The following ANKS1B variants were observed in gnomAD, a reference collection of about 807,000 sequenced individuals.
ANKS1B encodes the protein ankyrin repeat and sterile alpha motif domain containing 1B, also known as ankyrin repeat and sterile alpha motif domain-containing protein 1B.
In ANKS1B, 36 loss-of-function variants were observed where a neutral mutation model predicts 148.3. The observed-to-expected ratio is 0.24, with a 90% CI of 0.19 to 0.32. The LOEUF is 0.32. ANKS1B is among the 10% of genes least tolerant of loss of function. The pLI is 1.00. For synonymous variants in ANKS1B, 542 were observed against 560.8 expected (o/e 0.97, Z 0.47); for missense variants, 1,157 against 1,542.6 (o/e 0.75, Z 4.19).
At chr12:99,372,281 C>T (rs1210341538) in intron 12 of ANKS1B, among the ~76,000 whole-genome samples, 2 of 151,270 alleles carry the variant, frequency 1.3e-5, no homozygotes, top group Non-Finnish European at 2.9e-5. Flanking sequence ...TGCTGTGAAC[C>T]TAAAAAGAAA....
chr12:99,443,460 C>A (rs943658114), intron 11 of ANKS1B, among the ~76,000 whole-genome samples: 8 of 151,896 alleles, frequency 5.3e-5, no homozygotes, highest in African/African-American at 1.5e-4. Flanking sequence ...ATGTAACAGG[C>A]ACAATTCATT....
chr12:99,960,700 C>T (rs761270423), intron 1 of ANKS1B, among the ~76,000 whole-genome samples: 26 of 152,056 alleles, frequency 1.7e-4, no homozygotes, highest in African/African-American at 5.8e-4. Context: ...TAAGGGTTTG[C>T]GAAAATTTTC....
In ANKS1B at chr12:98,801,015, C is replaced by T. The variant is rs377414136; in HGVS notation, c.3252G>A (p.Ser1084=). 5.4e-5 allele frequency: 87 copies of T among 1,611,860 alleles called. No individual in the cohort carries two copies. Among genetic ancestry groups the T allele is most frequent in the Admixed American group, 3.2e-4 (19 of 59,846 alleles). The change falls in exon 21 of 27, where the codon TCG becomes TCA. Residue 1084 remains serine, a synonymous_variant. Transcript: ENST00000683438. The surrounding 1 kb of genome is among the most constrained non-coding windows in gnomAD (Gnocchi z 5.2). ...AACTTACAAAAGCTTTGTAATCACA[C>T]GACTGGAAGATAAGCTTTTCTGGGT... is the stretch of plus-strand genomic sequence containing the variant. ...QHHPEKLIFQ[S]CDYKAFYLGS... is the part of the protein sequence containing the mutation.
At chr12:99,531,832 C>T (rs2153091589) in intron 9 of ANKS1B, among the ~76,000 whole-genome samples, 1 of 152,282 alleles carries the variant, frequency 6.6e-6, no homozygotes, top group African/African-American at 2.4e-5. Context: ...AGTTTATAAG[C>T]ATTCTCTTTT....
chr12:99,297,421 G>T (rs1310894442), intron 12 of ANKS1B, among the ~76,000 whole-genome samples: 1 of 152,138 alleles, frequency 6.6e-6, no homozygotes, highest in Non-Finnish European at 1.5e-5. Context: ...CGTAAACATA[G>T]AATTTTATTT....
At chr12:98,955,399 A>G (rs1366753373) in intron 17 of ANKS1B, among the ~76,000 whole-genome samples, 1 of 152,120 alleles carries the variant, frequency 6.6e-6, no homozygotes, top group Non-Finnish European at 1.5e-5. Context: ...TTGAAGTAGA[A>G]GGAGCTTGCA....
chr12:99,359,355 A>C (rs1048743699), intron 12 of ANKS1B, among the ~76,000 whole-genome samples: 1 of 152,126 alleles, frequency 6.6e-6, no homozygotes, highest in Admixed American at 6.6e-5. Flanking sequence ...TTAAGTAGAT[A>C]GTTTCATACT....
intron 17 of ANKS1B, among the ~76,000 whole-genome samples, chr12:98,957,508 C>T (rs2099864466): frequency 6.6e-6 from 1 of 151,802 alleles, no homozygotes; most frequent in Non-Finnish European, 1.5e-5. Context: ...CCACCACATC[C>T]AGTTAATTTT....
At position 99,354,736 on chromosome 12, in the gene ANKS1B, T is replaced by C. The variant is rs1410916818; in HGVS notation, c.1756+44895A>G. 3.3e-5 allele frequency among the ~76,000 whole-genome samples: 5 copies of C among 152,024 alleles called. 1 individual carries two copies. Among genetic ancestry groups the C allele is most frequent in the African/African-American group, 4.8e-5 (2 of 41,430 alleles). Reference sequence around the variant, plus strand: ...AGTGGATTTAGGTTGCAAAATCAATTGCATAAGTAAAGGATAGGAGACCTG... The same window carrying C: ...AGTGGATTTAGGTTGCAAAATCAATCGCATAAGTAAAGGATAGGAGACCTG... On this transcript the variant is annotated intron_variant, in intron 12 of 26. Coordinates refer to ENST00000683438, the MANE Select transcript of ANKS1B (RefSeq NM_001352186.2).
intron 22 of ANKS1B, among the ~76,000 whole-genome samples, chr12:98,788,591 C>A (rs1196310068): frequency 6.6e-6 from 1 of 152,202 alleles, no homozygotes; most frequent in East Asian, 1.9e-4. Flanking sequence ...TGAAACCACA[C>A]CTCCTGCATA....
chr12:99,638,087 TGAA>T (rs1460994511), intron 9 of ANKS1B, among the ~76,000 whole-genome samples: 1 of 152,092 alleles, frequency 6.6e-6, no homozygotes, highest in Admixed American at 6.6e-5. Flanking sequence ...TGCTGCCATG[TGAA>T]GAAGAACATA....
At chr12:98,973,512 A>G (rs1054704987) in intron 17 of ANKS1B, among the ~76,000 whole-genome samples, 3 of 152,118 alleles carry the variant, frequency 2.0e-5, no homozygotes, top group Non-Finnish European at 2.9e-5. Flanking sequence ...CCAGAAATAA[A>G]CAGTTTATTA....
intron 9 of ANKS1B, among the ~76,000 whole-genome samples, chr12:99,556,114 C>T (rs76796333): frequency 0.013 from 2,013 of 152,018 alleles, 48 homozygotes; most frequent in African/African-American, 0.046. Context: ...TTTCAGAACT[C>T]ATAGAATTGT....
At chr12:99,534,858 T>C (rs1004260853) in intron 9 of ANKS1B, among the ~76,000 whole-genome samples, 1 of 151,782 alleles carries the variant, frequency 6.6e-6, no homozygotes, top group African/African-American at 2.4e-5. Context: ...TACAGGCACC[T>C]GCCACCACAC....
intron 17 of ANKS1B, among the ~76,000 whole-genome samples, chr12:98,929,637 C>T (rs911818204): frequency 1.3e-5 from 2 of 148,654 alleles, no homozygotes; most frequent in African/African-American, 4.9e-5. Flanking sequence ...AGTTCAGTAG[C>T]AGGCTTTTAC....
intron 15 of ANKS1B, among the ~76,000 whole-genome samples, chr12:99,112,388 C>A (rs2060469233): frequency 6.6e-6 from 1 of 151,622 alleles, no homozygotes; most frequent in Admixed American, 6.6e-5. Context: ...CATTTTATAT[C>A]TCCCATTACA....
At chr12:98,818,807 C>T (rs2099162514) in intron 19 of ANKS1B, among the ~76,000 whole-genome samples, 1 of 152,150 alleles carries the variant, frequency 6.6e-6, no homozygotes, top group Non-Finnish European at 1.5e-5. Flanking sequence ...TTAACTGGAG[C>T]CCGACTGTTT....
intron 17 of ANKS1B, among the ~76,000 whole-genome samples, chr12:99,017,125 A>G (rs1465398227): frequency 6.6e-6 from 1 of 152,138 alleles, no homozygotes; most frequent in Non-Finnish European, 1.5e-5. Flanking sequence ...CAAGGGTGAA[A>G]CTGCCTTTGC....
At chr12:99,154,508 G>T (rs1328787055) in intron 14 of ANKS1B, 113 bp from the exon 15 acceptor site, 1 of 1,606,254 alleles carries the variant, frequency 6.2e-7, no homozygotes, top group Non-Finnish European at 8.5e-7. Context: ...TGGGAAAGTT[G>T]CTATCAAAGG....
Sources: gnomAD v4.1 joint callset for allele counts (sites outside exome capture counted in the v4.1 genomes callset) on GRCh38, gnomAD v4.1.1 for gene constraint, Gnocchi (gnomAD v3.1) non-coding constraint, MANE v1.5 for transcripts, NCBI Gene and HGNC (gene_info 2026-07-23, HGNC 2026-07-21) for gene names.